Variants in NUP93 observed in about 807,000 individuals in gnomAD.
The protein encoded by NUP93 is nuclear pore complex protein Nup93.
Under a neutral mutation model 107.8 loss-of-function variants are expected in NUP93, and 55 were observed. The ratio of observed to expected loss-of-function variants is 0.51; its 90% CI spans 0.41 to 0.64. The LOEUF is 0.64. NUP93 is among the 30% of genes least tolerant of loss of function. The pLI, the probability that NUP93 is intolerant of heterozygous loss-of-function variation, is 0.00. For synonymous variants in NUP93, 390 were observed against 397.5 expected (o/e 0.98, Z 0.22); for missense variants, 937 against 1,044.7 (o/e 0.90, Z 1.42).
chr16:56,781,783 G>A lies in NUP93; in HGVS notation c.298-16693G>A, dbSNP rs1962519508. On this transcript the variant is annotated intron_variant, in intron 3 of 21. Transcript: ENST00000308159. Reference sequence around the variant, plus strand: ...CTCTCCCCCTCTTAAATCTTAACTTGGTACAGTCCGTTAACAATAAAATAC... The same window carrying A: ...CTCTCCCCCTCTTAAATCTTAACTTAGTACAGTCCGTTAACAATAAAATAC... 13 of 978,238 alleles carry A rather than the reference G, an allele frequency of 1.3e-5. No homozygotes were observed. In the South Asian group the frequency reaches 2.4e-4, roughly 18 times the overall value. 60.6% of individuals were successfully genotyped at this position (978,238 alleles called of 1,614,324 possible). A position where few individuals can be genotyped will look rare whatever the true frequency, so the allele number is the denominator to read the frequency against.
chr16:56,821,459 A>G, intron 6 of NUP93, 45 bp from the exon 7 acceptor site: 1 of 1,322,958 alleles, frequency 7.6e-7, no homozygotes, highest in African/African-American at 1.5e-5. Context: ...TAAAAAGAAG[A>G]GAAAATAGAT....
chr16:56,786,817 C>T (rs1962638263), intron 3 of NUP93, among the ~76,000 whole-genome samples: 1 of 152,110 alleles, frequency 6.6e-6, no homozygotes, highest in Non-Finnish European at 1.5e-5. Context: ...TTTGAGGGGT[C>T]CTGCAGGGCA....
chr16:56,832,434 A>C, intron 12 of NUP93, 46 bp downstream of exon 12: 1 of 1,465,812 alleles, frequency 6.8e-7, no homozygotes, highest in Non-Finnish European at 9.6e-7. Context: ...TGTCCACTTA[A>C]GGTGACTACT....
At chr16:56,762,716 G>C (rs367838081) in intron 3 of NUP93, among the ~76,000 whole-genome samples, 2 of 152,302 alleles carry the variant, frequency 1.3e-5, no homozygotes, top group African/African-American at 4.8e-5. Flanking sequence ...AGTTTATTCT[G>C]TCACAGTTCT....
intron 5 of NUP93, 70 bp downstream of exon 5, chr16:56,805,702 C>T (rs1239236025): frequency 2.6e-6 from 4 of 1,519,516 alleles, no homozygotes; most frequent in South Asian, 1.2e-5. Flanking sequence ...GTCTACTTGA[C>T]TAGTATTTTT....
intron 1 of NUP93, among the ~76,000 whole-genome samples, chr16:56,740,149 CG>C (rs1961698513): frequency 6.9e-6 from 1 of 144,158 alleles, no homozygotes; most frequent in African/African-American, 2.7e-5. Flanking sequence ...CCCTCCCGGA[CG>C]GGGTGGCTGC....
intron 3 of NUP93, among the ~76,000 whole-genome samples, chr16:56,774,516 G>C (rs1237534721): frequency 6.6e-6 from 1 of 151,686 alleles, no homozygotes; most frequent in Non-Finnish European, 1.5e-5. Flanking sequence ...AACAACAGAT[G>C]CCATGAGAGA....
intron 3 of NUP93, among the ~76,000 whole-genome samples, chr16:56,766,406 G>A (rs1161144015): frequency 2.0e-5 from 3 of 152,172 alleles, no homozygotes; most frequent in African/African-American, 7.2e-5. Context: ...TACCAGTGAT[G>A]CCCCAGCACT....
intron 2 of NUP93, among the ~76,000 whole-genome samples, chr16:56,749,924 T>C (rs1302536431): frequency 2.0e-5 from 3 of 152,234 alleles, no homozygotes; most frequent in Admixed American, 6.5e-5. Context: ...TAGACACTTC[T>C]GCTAACTTGC....
At chr16:56,811,924 A>T (rs1306736162) in intron 5 of NUP93, among the ~76,000 whole-genome samples, 1 of 152,180 alleles carries the variant, frequency 6.6e-6, no homozygotes, top group Non-Finnish European at 1.5e-5. Context: ...TTTTACTTCA[A>T]TCATTTTAAT....
In NUP93 at chr16:56,831,924, G is replaced by A. The variant is rs747390049; in HGVS notation, c.1168G>A (p.Val390Met). 2.4e-5 allele frequency: 39 copies of A among 1,613,986 alleles called. No individual in the cohort carries two copies. Among genetic ancestry groups the A allele is most frequent in the South Asian group, 2.4e-4 (22 of 91,080 alleles). Residue 390 changes from valine (V) to methionine (M), a missense_variant, in exon 11 of 22, where the codon GTG (valine) becomes ATG (methionine). Physicochemically the swap from Val to Met is conservative, Grantham distance 21 (BLOSUM62 1). Coordinates refer to ENST00000308159, the MANE Select transcript of NUP93 (RefSeq NM_014669.5). ...RNNTDPYKRA[V>M]YCIIGRCDVT... ...CAATACAGATCCCTACAAGCGGGCC[G>A]TGTACTGTATCATTGGCAGATGTGA...
At chr16:56,803,485 A>G (rs548047391) in intron 4 of NUP93, among the ~76,000 whole-genome samples, 24 of 152,136 alleles carry the variant, frequency 1.6e-4, no homozygotes, top group African/African-American at 4.6e-4. Flanking sequence ...ACACTGGGAG[A>G]AACTTGTTTT....
At position 56,795,590 on chromosome 16, in the gene NUP93, G is replaced by A. The variant is rs910213654; in HGVS notation, c.298-2886G>A. ...GTATATGTATTTGCAGAGTCTTCAT[G>A]TTGTGTCCTCAGAGCTGCCTGAGAG... On this transcript the variant is annotated intron_variant, in intron 3 of 21. Transcript: ENST00000308159. 5.3e-5 allele frequency among the ~76,000 whole-genome samples: 8 copies of A among 152,278 alleles called. No individual in the cohort carries two copies. The South Asian group carries it at 1.0e-3, about 20-fold the overall frequency.
rs1964133513 is a variant in NUP93, at chr16:56,847,800, A to G, written c.*3191A>G. 6.6e-6 allele frequency: 1 copy of G among 152,206 alleles called. No individual in the cohort carries two copies. The highest frequency in any genetic ancestry group is 6.5e-5 in the Admixed American group (1 of 15,270). 9.4% of individuals were successfully genotyped at this position (152,206 alleles called of 1,614,324 possible). A position where few individuals can be genotyped will look rare whatever the true frequency, so the allele number is the denominator to read the frequency against. On this transcript the variant is annotated 3_prime_UTR_variant, in exon 22 of 22. Coordinates refer to ENST00000308159, the MANE Select transcript of NUP93 (RefSeq NM_014669.5). Reference sequence around the variant, plus strand: ...CCATTTTACACTGGGGCCAGGATGCAGACCCAGCTCCTGTCCTCCGCGAAC... The same window carrying G: ...CCATTTTACACTGGGGCCAGGATGCGGACCCAGCTCCTGTCCTCCGCGAAC...
intron 5 of NUP93, among the ~76,000 whole-genome samples, chr16:56,815,422 T>TG (rs113981191): frequency 3.3e-5 from 5 of 152,194 alleles, no homozygotes; most frequent in African/African-American, 9.6e-5. Flanking sequence ...ATGCCCTGGC[T>TG]GGGGGGCTTG....
chr16:56,793,097 A>C (rs1962805735), intron 3 of NUP93, among the ~76,000 whole-genome samples: 1 of 152,212 alleles, frequency 6.6e-6, no homozygotes. Flanking sequence ...TGCCTAGAGC[A>C]GTGTCTGGCC....
intron 3 of NUP93, among the ~76,000 whole-genome samples, chr16:56,772,579 C>G (rs1389185567): frequency 6.6e-6 from 1 of 152,242 alleles, no homozygotes; most frequent in Non-Finnish European, 1.5e-5. Flanking sequence ...CATCAGGGGC[C>G]TGGAAGCTCT....
At chr16:56,822,235 G>A (rs1348415412) in intron 7 of NUP93, among the ~76,000 whole-genome samples, 3 of 151,808 alleles carry the variant, frequency 2.0e-5, no homozygotes, top group South Asian at 4.2e-4. Flanking sequence ...TGCTCAGCCC[G>A]TTGTGGTGGC....
intron 4 of NUP93, among the ~76,000 whole-genome samples, chr16:56,803,745 AAAAT>A (rs777707552): frequency 0.033 from 1,184 of 36,380 alleles, 17 homozygotes; most frequent in African/African-American, 0.21. Context: ...AAAACAGGGA[AAAAT>A]ATATATATAT....
Sources: gnomAD v4.1 joint callset for allele counts (sites outside exome capture counted in the v4.1 genomes callset) on GRCh38, gnomAD v4.1.1 for gene constraint, MANE v1.5 for transcripts, NCBI Gene and HGNC (gene_info 2026-07-23, HGNC 2026-07-21) for gene names.